Variants in KLHL13 observed in about 807,000 individuals in gnomAD.
KLHL13 encodes the protein kelch like family member 13.
A neutral mutation model predicts 37.1 loss-of-function variants in KLHL13; 10 were observed. The ratio of observed to expected loss-of-function variants is 0.27; its 90% CI spans 0.17 to 0.46. The LOEUF is 0.46. Among genes scored for constraint, KLHL13 ranks in the 20% least tolerant of loss-of-function variants. The pLI, the probability that KLHL13 is intolerant of heterozygous loss-of-function variation, is 1.00. For missense variants in KLHL13, 360 were observed against 509.3 expected (o/e 0.71, Z 2.82); for synonymous variants, 163 against 181.2 (o/e 0.90, Z 0.81).
chrX:117,947,429 T>C (rs1423284398), intron 1 of KLHL13: 1 of 112,144 alleles, frequency 8.9e-6, no homozygotes, highest in Non-Finnish European at 1.9e-5. Flanking sequence ...CCATCAATTA[T>C]CATTCTTATG....
chrX:118,070,838 G>A (rs1298355481), intron 1 of KLHL13, among the ~76,000 whole-genome samples: 1 of 109,209 alleles, frequency 9.2e-6, no homozygotes, highest in Non-Finnish European at 1.9e-5. Flanking sequence ...CATGTGACAT[G>A]CTGGTGCACT....
At chrX:117,903,218 T>A (rs1241572517) in intron 5 of KLHL13, among the ~76,000 whole-genome samples, 1 of 106,094 alleles carries the variant, frequency 9.4e-6, no homozygotes, top group Non-Finnish European at 1.9e-5. Context: ...ACTTTTCCGC[T>A]CTATTCAATA....
chrX:118,093,818 G>A (rs1427677428), intron 1 of KLHL13, among the ~76,000 whole-genome samples: 1 of 109,481 alleles, frequency 9.1e-6, no homozygotes, highest in Non-Finnish European at 1.9e-5. Flanking sequence ...GAAGTATGAT[G>A]GGCTAAAGTT....
At position 118,033,140 on chromosome X, in the gene KLHL13, G is replaced by A. The variant is rs191875611; in HGVS notation, c.-56+83368C>T. Among the ~76,000 whole-genome samples, 5 of 111,185 alleles carry A rather than the reference G, an allele frequency of 4.5e-5. No homozygotes were observed. The East Asian group carries it at 1.1e-3, about 25-fold the overall frequency. Reference sequence around the variant, plus strand: ...CTGGTGTACCTGAAAGTGAGGGGGGGGAATGGAACCAAGTTGGAAAACACT... The same window carrying A: ...CTGGTGTACCTGAAAGTGAGGGGGGAGAATGGAACCAAGTTGGAAAACACT... On this transcript the variant is annotated intron_variant, in intron 1 of 6. Transcript: ENST00000371882.
At chrX:117,938,153 CT>C (rs1187874683) in intron 2 of KLHL13, among the ~76,000 whole-genome samples, 1 of 111,440 alleles carries the variant, frequency 9.0e-6, no homozygotes, top group African/African-American at 3.2e-5. Context: ...TTCCCTGTTA[CT>C]TTTTTTTAGT....
intron 1 of KLHL13, among the ~76,000 whole-genome samples, chrX:118,109,236 T>C (rs1483359878): frequency 8.9e-6 from 1 of 112,113 alleles, no homozygotes. Context: ...TTTAGACCAT[T>C]AGACCAAGGG....
At chrX:117,906,527 G>A (rs760125750) in intron 5 of KLHL13, among the ~76,000 whole-genome samples, 3 of 111,004 alleles carry the variant, frequency 2.7e-5, no homozygotes. Flanking sequence ...GAACTCAAAG[G>A]GGGTGGAGTG....
intron 1 of KLHL13, among the ~76,000 whole-genome samples, chrX:118,067,272 T>TA (rs754525950): frequency 1.4e-4 from 16 of 111,414 alleles, no homozygotes; most frequent in African/African-American, 4.6e-4. Context: ...GTATAAAAGA[T>TA]AAAAAATGGT....
intron 1 of KLHL13, among the ~76,000 whole-genome samples, chrX:118,022,533 A>G (rs2054228833): frequency 8.9e-6 from 1 of 111,882 alleles, no homozygotes; most frequent in Admixed American, 9.5e-5. Flanking sequence ...GGCCAACCTA[A>G]TAGGTGCAAG....
intron 4 of KLHL13, among the ~76,000 whole-genome samples, chrX:117,919,213 G>A (rs1317070720): frequency 1.8e-5 from 2 of 111,631 alleles, no homozygotes; most frequent in Non-Finnish European, 3.8e-5. Flanking sequence ...TAGTAGAGAC[G>A]GGCTTTCTCC....
In KLHL13 at chrX:117,978,749, C is replaced by A. The variant is rs749937742; in HGVS notation, c.-55-33174G>T. On this transcript the variant is annotated intron_variant, in intron 1 of 6. Coordinates refer to the KLHL13 transcript ENST00000371882. ...AATTCAGAAGTTCTTGCCCTTCCTT[C>A]TTCATTTTGTTTTCTGGCACTATCT... Among the ~76,000 whole-genome samples the A allele has an allele frequency of 6.6e-5, 7 of 105,386 alleles. No homozygotes were observed. In the East Asian group the frequency reaches 2.1e-3, roughly 32 times the overall value. 91.5% of individuals were successfully genotyped at this position (105,386 alleles called of 115,157 possible).
At chrX:117,901,743 T>A in intron 6 of KLHL13, 90 bp downstream of exon 7, 1 of 344,234 alleles carries the variant, frequency 2.9e-6, no homozygotes. Flanking sequence ...GACGCCTGAA[T>A]TATTATTATT....
intron 1 of KLHL13, among the ~76,000 whole-genome samples, chrX:118,013,929 C>CTTATAA (rs2054098434): frequency 8.9e-6 from 1 of 112,552 alleles, no homozygotes; most frequent in African/African-American, 3.2e-5. Flanking sequence ...AATCAATACT[C>CTTATAA]TTATAATTTC....
chrX:118,005,695 G>A (rs1368229296), intron 1 of KLHL13, among the ~76,000 whole-genome samples: 1 of 111,513 alleles, frequency 9.0e-6, no homozygotes, highest in Non-Finnish European at 1.9e-5. Context: ...CTGGACGCTG[G>A]GAAAGGCAAG....
At chrX:117,946,116 A>G (rs1933304749) in intron 1 of KLHL13, 1 of 111,615 alleles carries the variant, frequency 9.0e-6, no homozygotes, top group Admixed American at 9.6e-5. Flanking sequence ...AATAAAAGTA[A>G]AAGATTAATT....
intron 1 of KLHL13, among the ~76,000 whole-genome samples, chrX:118,005,004 G>A: frequency 8.9e-6 from 1 of 112,477 alleles, no homozygotes; most frequent in Admixed American, 9.4e-5. Context: ...GACTGAGAAA[G>A]TGTTCCAGAT....
chrX:118,005,429 TC>T (rs1339636563), intron 1 of KLHL13, among the ~76,000 whole-genome samples: 2 of 111,491 alleles, frequency 1.8e-5, no homozygotes, highest in Non-Finnish European at 3.8e-5. Flanking sequence ...GAATAATGGG[TC>T]CCCAAAGATG....
upstream of KLHL13, chrX:117,973,789 C>T: frequency 1.4e-6 from 1 of 723,732 alleles, no homozygotes; most frequent in Non-Finnish European, 1.6e-6. Context: ...ACTGCCCTCC[C>T]CTTCTCTCCC....
chrX:118,026,848 A>G (rs2054279815), intron 1 of KLHL13, among the ~76,000 whole-genome samples: 2 of 111,966 alleles, frequency 1.8e-5, no homozygotes, highest in South Asian at 7.4e-4. Context: ...ACAATTACAC[A>G]TAGATCAGCT....
Sources: allele counts gnomAD v4.1 joint callset (sites outside exome capture counted in the v4.1 genomes callset), GRCh38; gene constraint gnomAD v4.1.1; transcripts MANE v1.5; gene names NCBI Gene and HGNC (gene_info 2026-07-23, HGNC 2026-07-21).